Variants in MORC3 observed in about 807,000 individuals in gnomAD.
MORC3 encodes the protein MORC family CW-type zinc finger 3.
A neutral mutation model predicts 109.1 loss-of-function variants in MORC3; 31 were observed. That is an observed-to-expected ratio of 0.28 (90% CI 0.21 to 0.38). The LOEUF (loss-of-function observed/expected upper bound fraction) is 0.38. Ranked by LOEUF, MORC3 falls within the 10% of genes least tolerant of loss-of-function variation. The pLI, the probability that MORC3 is intolerant of heterozygous loss-of-function variation, is 1.00. For missense variants in MORC3, 867 were observed against 1,135.8 expected, an observed-to-expected ratio of 0.76 and a Z score of 3.40; for synonymous variants, 395 against 380.7, an observed-to-expected ratio of 1.04 and a Z score of -0.44.
Position 36,347,411 on chromosome 21 carries a change from C to T in MORC3, c.1006-1900C>T, listed in dbSNP as rs559349045. On this transcript the variant is annotated intron_variant, in intron 8 of 16. Transcript: ENST00000400485. ...TAACCAAGATATATAGCCCATTTTCCCAACCGAGTTAAATTTGTACTGTAC... is the reference window on the plus strand; with the variant it reads ...TAACCAAGATATATAGCCCATTTTCTCAACCGAGTTAAATTTGTACTGTAC... Among the ~76,000 whole-genome samples, 16 of 152,314 alleles carry T rather than the reference C, an allele frequency of 1.1e-4. 1 individual carries two copies. In the South Asian group the frequency reaches 3.3e-3, roughly 32 times the overall value.
intron 6 of MORC3, among the ~76,000 whole-genome samples, chr21:36,342,268 T>C (rs551836736): frequency 6.6e-6 from 1 of 152,204 alleles, no homozygotes; most frequent in South Asian, 2.1e-4. Context: ...TTTAACGTAT[T>C]CTAGAATACA....
chr21:36,331,879 C>G (rs1013208131), intron 1 of MORC3, among the ~76,000 whole-genome samples: 1 of 152,180 alleles, frequency 6.6e-6, no homozygotes, highest in African/African-American at 2.4e-5. Flanking sequence ...GTGGCCCACT[C>G]CTGCAATCCC....
intron 9 of MORC3, among the ~76,000 whole-genome samples, chr21:36,351,979 A>G (rs2085577910): frequency 6.6e-6 from 1 of 152,170 alleles, no homozygotes; most frequent in African/African-American, 2.4e-5. Context: ...AAGGAAATTT[A>G]TGTCAGTCTC....
intron 1 of MORC3, among the ~76,000 whole-genome samples, chr21:36,331,620 C>CA: frequency 6.6e-6 from 1 of 150,772 alleles, no homozygotes; most frequent in Non-Finnish European, 1.5e-5. Context: ...AAAAAACAAA[C>CA]AAAAAAACTA....
In MORC3 at chr21:36,320,259, C is replaced by G. The variant is rs765383708; in HGVS notation, c.-6C>G. On this transcript the variant is annotated 5_prime_UTR_variant, in exon 1 of 17. Transcript: ENST00000400485. ...AGGCCGTTCCTGGCTTTGTAGCTCG[C>G]TCAAGATGGCGGCGCAGCCACCCCG... The G allele has an allele frequency of 6.3e-7, 1 of 1,581,460 alleles. No individual in the cohort carries two copies.
At chr21:36,366,741 C>G (rs2085786281) in intron 14 of MORC3, among the ~76,000 whole-genome samples, 1 of 152,212 alleles carries the variant, frequency 6.6e-6, no homozygotes, top group Non-Finnish European at 1.5e-5. Context: ...AGGCGTGAGC[C>G]ACTTTGCCCG....
In MORC3 at chr21:36,376,126, G is replaced by A. The variant is rs544416680; in HGVS notation, c.*830G>A. 6.6e-6 allele frequency: 1 copy of A among 152,650 alleles called. No individual in the cohort carries two copies. The highest frequency in any genetic ancestry group is 1.5e-5 in the Non-Finnish European group (1 of 68,022). The allele number at this position is 152,650 out of a possible 1,614,324, so 9.5% of individuals were successfully genotyped here. On this transcript the variant is annotated 3_prime_UTR_variant, in exon 17 of 17. Coordinates refer to ENST00000400485, the MANE Select transcript of MORC3 (RefSeq NM_015358.3). ...CTACAGGTTAATGTGAGTTGAGGAA[G>A]ACAGTCTTTCTCAAACAATACTACA...
chr21:36,351,316 T>C (rs2085569805), intron 9 of MORC3, among the ~76,000 whole-genome samples: 1 of 152,136 alleles, frequency 6.6e-6, no homozygotes, highest in Admixed American at 6.6e-5. Flanking sequence ...TCCACCCGCC[T>C]TGGCCTCCCA....
intron 15 of MORC3, among the ~76,000 whole-genome samples, 169 bp from the exon 16 acceptor site, chr21:36,372,205 T>G (rs769190231): frequency 2.0e-5 from 3 of 152,228 alleles, no homozygotes; most frequent in Non-Finnish European, 2.9e-5. Context: ...AGTGAAGCTG[T>G]AAACGAATGA....
At chr21:36,370,631 ATATATATATTTTTTTTTTTT>A (rs1285477103) in intron 15 of MORC3, among the ~76,000 whole-genome samples, 1 of 23,822 alleles carries the variant, frequency 4.2e-5, no homozygotes, top group East Asian at 1.8e-3. Context: ...ATATATATAT[ATATATATATTTTTTTTTTTT>A]TTTTTTTTTT....
At chr21:36,349,025 G>T (rs957101986) in intron 8 of MORC3, among the ~76,000 whole-genome samples, 1 of 151,924 alleles carries the variant, frequency 6.6e-6, no homozygotes. Context: ...GGTGGTGCGC[G>T]CCTGTACTTC....
rs2085381082 is a variant in MORC3 at position 36,336,911 on chromosome 21, A to G, written c.150A>G (p.Ile50Met). The change falls in exon 3 of 17, where the codon ATA (isoleucine) becomes ATG (methionine). Residue 50 changes from isoleucine (I) to methionine (M), a missense_variant. This residue lies in a region of MORC3 where 53 missense variants were observed against 130.3 expected (regional missense o/e 0.41). Transcript: ENST00000400485. ...ATCCTGATGTGAACGCTAAACAAAT[A>G]TGGATTGACAAAACAGTGATAAATG... is the stretch of plus-strand genomic sequence containing the variant. ...AYDPDVNAKQ[I>M]WIDKTVINDH... The G allele has an allele frequency of 5.6e-6, 9 of 1,613,260 alleles. No individual in the cohort carries two copies. Among genetic ancestry groups the G allele is most frequent in the Non-Finnish European group, 5.9e-6 (7 of 1,179,568 alleles).
chr21:36,356,003 A>G (rs924399473), intron 9 of MORC3, among the ~76,000 whole-genome samples: 9 of 152,172 alleles, frequency 5.9e-5, no homozygotes, highest in African/African-American at 1.9e-4. Flanking sequence ...TTTTACTGCA[A>G]TATAAAATTT....
chr21:36,359,400 A>G (rs1480138427), intron 10 of MORC3, among the ~76,000 whole-genome samples: 2 of 152,094 alleles, frequency 1.3e-5, no homozygotes, highest in Non-Finnish European at 2.9e-5. Flanking sequence ...CCTCCTGAGT[A>G]TCTGAGACTA....
At chr21:36,335,076 A>T (rs2085360368) in intron 2 of MORC3, among the ~76,000 whole-genome samples, 1 of 152,160 alleles carries the variant, frequency 6.6e-6, no homozygotes, top group South Asian at 2.1e-4. Context: ...GCTGCAGCAG[A>T]GTGAGTCTTC....
chr21:36,369,754 G>A lies in MORC3; in HGVS notation c.2386G>A (p.Glu796Lys). 1.2e-6 allele frequency: 2 copies of A among 1,614,198 alleles called. No homozygotes were observed. The highest frequency in any genetic ancestry group is 1.7e-6 in the Non-Finnish European group (2 of 1,180,046). ...QCSALQHVKA[E>K]CSQCSNNESK... The stretch of plus-strand genomic sequence containing the variant: ...TAGTGCTTTGCAACATGTAAAGGCT[G>A]AATGCAGCCAGTGTTCCAATAATGA... The change falls in exon 15 of 17, where the codon GAA (glutamate) becomes AAA (lysine). Residue 796 changes from glutamate (E) to lysine (K), a missense_variant. By Grantham distance (56) the Glu-to-Lys change is moderately conservative. Around this residue, in one of 7 missense-constraint regions of MORC3, gnomAD observed 486 missense variants for 502.1 expected, o/e 0.97. Coordinates refer to ENST00000400485, the MANE Select transcript of MORC3 (RefSeq NM_015358.3).
In MORC3 at chr21:36,337,798, C is replaced by T; in HGVS notation, c.312C>T (p.Phe104=). 2 of 1,614,108 alleles carry T rather than the reference C, an allele frequency of 1.2e-6. No individual in the cohort carries two copies. Among genetic ancestry groups the T allele is most frequent in the Non-Finnish European group, 1.7e-6 (2 of 1,180,022 alleles). The change falls in exon 4 of 17, where the codon TTC becomes TTT. Residue 104 remains phenylalanine (F), a synonymous_variant. Coordinates refer to ENST00000400485, the MANE Select transcript of MORC3 (RefSeq NM_015358.3). ...HVPVGLYGNG[F]KSGSMRLGKD... is the part of the protein sequence containing the mutation. Reference sequence around the variant, plus strand: ...CAGTTGGATTATATGGGAATGGCTTCAAGTCGGGTTCTATGCGTCTGGGTA... The same window carrying T: ...CAGTTGGATTATATGGGAATGGCTTTAAGTCGGGTTCTATGCGTCTGGGTA...
In MORC3 at chr21:36,375,322, T is replaced by C. The variant is rs1489718908; in HGVS notation, c.*26T>C. The C allele has an allele frequency of 1.3e-6, 2 of 1,580,416 alleles. No homozygotes were observed. Among genetic ancestry groups the C allele is most frequent in the Admixed American group, 3.5e-5 (2 of 56,990 alleles). On this transcript the variant is annotated 3_prime_UTR_variant, in exon 17 of 17. Coordinates refer to ENST00000400485, the MANE Select transcript of MORC3 (RefSeq NM_015358.3). ...AGTATATGTTATGTAAGATAAAATA[T>C]TTGCTCAATTCTTTTGGTTGTACAG...
rs375039041 is a variant in MORC3, at chr21:36,369,521, A to T, written c.2153A>T (p.His718Leu). 9.3e-5 allele frequency: 150 copies of T among 1,614,104 alleles called. No individual in the cohort carries two copies. Among genetic ancestry groups the T allele is most frequent in the Non-Finnish European group, 1.2e-4 (143 of 1,180,044 alleles). The change falls in exon 15 of 17, where the codon CAT becomes CTT. Residue 718 changes from histidine (H) to leucine (L), a missense_variant. Coordinates refer to ENST00000400485, the MANE Select transcript of MORC3 (RefSeq NM_015358.3). ...AAAGAGAATTATAAAAGACAGTGTC[A>T]TATGTTTACTGATCAAATCAAAGTG... ...EEKENYKRQC[H>L]MFTDQIKVLQ...
Sources: gnomAD v4.1 joint callset for allele counts (sites outside exome capture counted in the v4.1 genomes callset) on GRCh38, gnomAD v4.1.1 for gene constraint, gnomAD v4.1.1 regional missense constraint, MANE v1.5 for transcripts, NCBI Gene and HGNC (gene_info 2026-07-23, HGNC 2026-07-21) for gene names.